Variants in PLCB2 observed in about 807,000 individuals in gnomAD.
The protein encoded by PLCB2 is 1-phosphatidylinositol 4,5-bisphosphate phosphodiesterase beta-2.
PLCB2 carries 115 observed loss-of-function variants against 141.7 expected under a neutral mutation model. The ratio of observed to expected loss-of-function variants is 0.81; its 90% CI spans 0.70 to 0.95. The LOEUF (loss-of-function observed/expected upper bound fraction) is 0.95. Among genes scored for constraint, PLCB2 ranks in the 40% least tolerant of loss-of-function variants. PLCB2 has a pLI of 0.00. For synonymous variants in PLCB2, 603 were observed against 595.6 expected, an observed-to-expected ratio of 1.01 and a Z score of -0.18; for missense variants, 1,403 against 1,541.1, an observed-to-expected ratio of 0.91 and a Z score of 1.50.
Position 40,291,609 on chromosome 15 carries a change from C to A in PLCB2, c.2644G>T (p.Ala882Ser), listed in dbSNP as rs746014512. 1.2e-6 allele frequency: 2 copies of A among 1,613,462 alleles called. No individual in the cohort carries two copies. The highest frequency in any genetic ancestry group is 3.3e-5 in the Admixed American group (2 of 60,022). ...CACCGGGCTCAGCAGGCCTTACCCGCAGCTTCTTTCATAGCCTCTTCCCTG... is the reference window on the plus strand; with the variant it reads ...CACCGGGCTCAGCAGGCCTTACCCGAAGCTTCTTTCATAGCCTCTTCCCTG... ...GAREEAMKEAAEPRTASLEEL... is the reference protein window; with the variant it reads ...GAREEAMKEASEPRTASLEEL... The change falls in exon 25 of 32, where the codon GCG becomes TCG. Residue 882 changes from alanine (A) to serine (S), a missense_variant. Physicochemically the swap from Ala to Ser is moderately conservative, Grantham distance 99. This residue lies in a region of PLCB2 where 290 missense variants were observed against 245.9 expected (regional missense o/e 1.18). Transcript: ENST00000260402.
chr15:40,295,295 G>A lies in PLCB2; in HGVS notation c.1697-10C>T, dbSNP rs370412054. On this transcript the variant is annotated splice_polypyrimidine_tract_variant and intron_variant, in intron 16 of 31. Transcript: ENST00000260402. ...TAACTTCGGTTCTTTTCTATATAGGGGAGAAAGGGAGGGGAGGAGTTTTAT... is the reference window on the plus strand; with the variant it reads ...TAACTTCGGTTCTTTTCTATATAGGAGAGAAAGGGAGGGGAGGAGTTTTAT... 10 of 1,592,278 alleles carry A rather than the reference G, an allele frequency of 6.3e-6. No individual in the cohort carries two copies. The highest frequency in any genetic ancestry group is 4.3e-6 in the Non-Finnish European group (5 of 1,160,252).
intron 22 of PLCB2, 57 bp downstream of exon 22, chr15:40,292,282 A>G: frequency 6.6e-6 from 10 of 1,518,380 alleles, no homozygotes; most frequent in Non-Finnish European, 9.1e-6. Flanking sequence ...AGCTGGCTTG[A>G]TGGGAAGGAA....
intron 7 of PLCB2, chr15:40,301,304 G>C (rs2040492330): frequency 1.9e-6 from 1 of 526,704 alleles, no homozygotes; most frequent in Admixed American, 3.3e-5. Flanking sequence ...TGGCCAAGCA[G>C]GGACAGGGGC....
At chr15:40,300,734 C>T (rs996748431) in intron 7 of PLCB2, 1 of 152,206 alleles carries the variant, frequency 6.6e-6, no homozygotes, top group Non-Finnish European at 1.5e-5. Context: ...ATGAAAAGTA[C>T]ATTTGTGGTA....
rs1037653073 is a variant in PLCB2, at chr15:40,297,100, G to A, written c.1324-192C>T. ...AGTAAATGCGGCTCATCTTGTGCTT[G>A]TTGTAGCTGTCCCTGAGTATGGGAC... On this transcript the variant is annotated intron_variant, in intron 13 of 31. Transcript: ENST00000260402. This position sits in a 1 kb window ranked among gnomAD's most constrained non-coding sequence, Gnocchi z 4.2. Among the ~76,000 whole-genome samples, 4 of 152,106 alleles carry A rather than the reference G, an allele frequency of 2.6e-5. No individual in the cohort carries two copies. Among genetic ancestry groups the A allele is most frequent in the Non-Finnish European group, 5.9e-5 (4 of 68,006 alleles).
intron 22 of PLCB2, 32 bp from the exon 23 acceptor site, chr15:40,292,190 T>C: frequency 6.3e-7 from 1 of 1,591,102 alleles, no homozygotes; most frequent in Non-Finnish European, 8.6e-7. Flanking sequence ...TACAACATAG[T>C]GTATATGGAG....
intron 16 of PLCB2, among the ~76,000 whole-genome samples, chr15:40,295,730 G>C (rs774657453): frequency 6.6e-6 from 1 of 152,202 alleles, no homozygotes; most frequent in African/African-American, 2.4e-5. Flanking sequence ...GTGTACCCAG[G>C]TGGGGATGCA....
chr15:40,296,888 C>A lies in PLCB2; in HGVS notation c.1344G>T (p.Leu448=), dbSNP rs772316207. ...TGCCCCTGAGATCCTCAGGGCTGGG[C>A]AGGGGGACACCTGGTTTTAGCTATG... ...EKFPLKPGVP[L]PSPEDLRGKI... The change falls in exon 14 of 32, where the codon CTG becomes CTT. Residue 448 remains leucine (L), a synonymous_variant. Coordinates refer to ENST00000260402, the MANE Select transcript of PLCB2 (RefSeq NM_004573.3). 6.2e-6 allele frequency: 10 copies of A among 1,613,994 alleles called. No homozygotes were observed. Among genetic ancestry groups the A allele is most frequent in the Non-Finnish European group, 8.5e-6 (10 of 1,179,958 alleles).
chr15:40,289,617 G>A (rs1255980557), intron 30 of PLCB2: 2 of 552,276 alleles, frequency 3.6e-6, no homozygotes. Flanking sequence ...TGTGTTCTGT[G>A]GTTAATGATC....
downstream of PLCB2, among the ~76,000 whole-genome samples, chr15:40,287,587 C>T (rs1309792564): frequency 9.9e-5 from 15 of 152,156 alleles, no homozygotes. Flanking sequence ...TTTGGAACTC[C>T]CCCTAAAATA....
chr15:40,295,007 G>A lies in PLCB2; in HGVS notation c.1835C>T (p.Ser612Phe). 3 of 1,614,042 alleles carry A rather than the reference G, an allele frequency of 1.9e-6. No homozygotes were observed. The highest frequency in any genetic ancestry group is 2.5e-6 in the Non-Finnish European group (3 of 1,179,944). The change falls in exon 18 of 32, where the codon TCC becomes TTC. Residue 612 changes from serine to phenylalanine, a missense_variant. By Grantham distance (155) the Ser-to-Phe change is radical (BLOSUM62 -2). Around this residue, in one of 4 missense-constraint regions of PLCB2, gnomAD observed 975 missense variants for 1,141.1 expected, o/e 0.85. Coordinates refer to ENST00000260402, the MANE Select transcript of PLCB2 (RefSeq NM_004573.3). Reference sequence around the variant, plus strand: ...GAACATCTGGGGCATGTAGTTGGAGGAGTCCATGCGGGTTCCCTTGGGGTA... The same window carrying A: ...GAACATCTGGGGCATGTAGTTGGAGAAGTCCATGCGGGTTCCCTTGGGGTA... ...RIYPKGTRMD[S>F]SNYMPQMFWN... is the part of the protein sequence containing the mutation.
Position 40,307,680 on chromosome 15 carries a change from A to G in PLCB2, c.-8T>C. 3 of 1,550,248 alleles carry G rather than the reference A, an allele frequency of 1.9e-6. No homozygotes were observed. The highest frequency in any genetic ancestry group is 2.6e-6 in the Non-Finnish European group (3 of 1,144,690). ...AGGGTTGAGCAGAGACATGGTGCCA[A>G]GCGTTCCTCTTTGCAGAATCTCAGC... On this transcript the variant is annotated 5_prime_UTR_variant, in exon 1 of 32. Coordinates refer to ENST00000260402, the MANE Select transcript of PLCB2 (RefSeq NM_004573.3).
rs780294435 is a variant in PLCB2 at position 40,298,551 on chromosome 15, T to C, written c.997+11A>G. 21 of 1,614,050 alleles carry C rather than the reference T, an allele frequency of 1.3e-5. No individual in the cohort carries two copies. The highest frequency in any genetic ancestry group is 1.6e-5 in the Non-Finnish European group (19 of 1,179,988). ...AAAGCAGAGGTTGGCACCAATGTTA[T>C]CAGGGCCCACCTGTCAGGTAGGTGT... On this transcript the variant is annotated intron_variant, in intron 10 of 31. Transcript: ENST00000260402.
intron 1 of PLCB2, among the ~76,000 whole-genome samples, chr15:40,306,978 C>A (rs1419499639): frequency 1.3e-5 from 2 of 152,198 alleles, no homozygotes; most frequent in Non-Finnish European, 2.9e-5. Context: ...AGTGTCTTCC[C>A]CTTCCCTTGC....
chr15:40,287,171 T>C (rs887160180), downstream of PLCB2, among the ~76,000 whole-genome samples: 1 of 152,128 alleles, frequency 6.6e-6, no homozygotes, highest in African/African-American at 2.4e-5. Context: ...TGTAATGATG[T>C]AGGGAGCAGG....
intron 7 of PLCB2, chr15:40,301,482 ACAGAG>A (rs1253425424): frequency 1.1e-5 from 8 of 696,630 alleles, no homozygotes; most frequent in Middle Eastern, 2.3e-4. Flanking sequence ...GCTTTTCTGT[ACAGAG>A]CAGAAGTCTG....
intron 1 of PLCB2, among the ~76,000 whole-genome samples, chr15:40,306,692 C>A (rs2040813731): frequency 6.6e-6 from 1 of 152,204 alleles, no homozygotes; most frequent in South Asian, 2.1e-4. Context: ...CCTCATCCCA[C>A]CTCCCATCAG....
chr15:40,295,644 A>G (rs2040169811), intron 16 of PLCB2, among the ~76,000 whole-genome samples: 1 of 152,202 alleles, frequency 6.6e-6, no homozygotes, highest in Non-Finnish European at 1.5e-5. Flanking sequence ...TTTGATGTGC[A>G]CAGGGAGTGA....
At chr15:40,295,948 C>T (rs1185647139) in intron 16 of PLCB2, among the ~76,000 whole-genome samples, 5 of 152,168 alleles carry the variant, frequency 3.3e-5, no homozygotes, top group Non-Finnish European at 5.9e-5. Context: ...TTTTCTCTGC[C>T]TCCACTCCCT....
Sources: gnomAD v4.1 joint callset for allele counts (sites outside exome capture counted in the v4.1 genomes callset) on GRCh38, gnomAD v4.1.1 for gene constraint, gnomAD v4.1.1 regional missense constraint, Gnocchi (gnomAD v3.1) non-coding constraint, MANE v1.5 for transcripts, NCBI Gene and HGNC (gene_info 2026-07-23, HGNC 2026-07-21) for gene names.